CEP128: variants seen among roughly 807,000 people sequenced by gnomAD.
CEP128 encodes centrosomal protein 128, also known as centrosomal protein 128kDa.
CEP128 carries 132 observed loss-of-function variants against 156.7 expected under a neutral mutation model. The ratio of observed to expected loss-of-function variants is 0.84; its 90% confidence interval spans 0.73 to 0.97. The LOEUF (loss-of-function observed/expected upper bound fraction) is 0.97. CEP128 is among the 50% of genes least tolerant of loss of function. The pLI, the probability that CEP128 is intolerant of heterozygous loss-of-function variation, is 0.00. For missense variants in CEP128, 1,252 were observed against 1,281.9 expected (o/e 0.98, Z 0.36); for synonymous variants, 469 against 448.9 (o/e 1.04, Z -0.57).
At chr14:80,859,454 G>C (rs915152362) in intron 9 of CEP128, among the ~76,000 whole-genome samples, 2 of 150,344 alleles carry the variant, frequency 1.3e-5, no homozygotes, top group African/African-American at 4.9e-5. Context: ...GCTAGATGAC[G>C]AGTTAGTGGG....
chr14:80,549,377 CT>C (rs1263993446), intron 21 of CEP128, among the ~76,000 whole-genome samples: 2 of 152,180 alleles, frequency 1.3e-5, no homozygotes, highest in African/African-American at 4.8e-5. Context: ...GCCAAAACTG[CT>C]GGGATTCACC....
chr14:80,945,487 C>G (rs1886319371), upstream of CEP128: 2 of 152,202 alleles, frequency 1.3e-5, no homozygotes, highest in African/African-American at 4.8e-5. Flanking sequence ...CACATCACCC[C>G]TTAAACTGGG....
chr14:80,568,586 A>G (rs1396505269), intron 20 of CEP128, among the ~76,000 whole-genome samples: 4 of 152,192 alleles, frequency 2.6e-5, no homozygotes, highest in African/African-American at 4.8e-5. Context: ...GATGATCAAC[A>G]TCGAAGCAGA....
At chr14:80,930,261 G>A (rs1885385950) in intron 2 of CEP128, among the ~76,000 whole-genome samples, 1 of 152,206 alleles carries the variant, frequency 6.6e-6, no homozygotes, top group Non-Finnish European at 1.5e-5. Flanking sequence ...AACCCTATCA[G>A]TGAGTGGCAA....
At chr14:80,779,632 T>TGTCTC (rs1194784702) in intron 15 of CEP128, among the ~76,000 whole-genome samples, 1 of 152,156 alleles carries the variant, frequency 6.6e-6, no homozygotes, top group Non-Finnish European at 1.5e-5. Flanking sequence ...TCCCCAATGA[T>TGTCTC]GTCTCATTTG....
intron 9 of CEP128, among the ~76,000 whole-genome samples, chr14:80,845,326 T>A (rs1296705106): frequency 6.6e-6 from 1 of 152,220 alleles, no homozygotes; most frequent in Non-Finnish European, 1.5e-5. Flanking sequence ...TATATTTTTA[T>A]GCAATCTTTT....
intron 16 of CEP128, among the ~76,000 whole-genome samples, chr14:80,771,252 T>C (rs1482860823): frequency 6.6e-6 from 1 of 152,172 alleles, no homozygotes; most frequent in Non-Finnish European, 1.5e-5. Flanking sequence ...TTAAATTCAA[T>C]GCTAAGAGTT....
intron 19 of CEP128, among the ~76,000 whole-genome samples, chr14:80,584,140 CA>C (rs1293396804): frequency 1.5e-5 from 2 of 134,774 alleles, no homozygotes; most frequent in African/African-American, 2.9e-5. Flanking sequence ...GCGTCCGTGA[CA>C]TTTTTTTTTT....
chr14:80,768,406 C>T (rs1368066065), intron 16 of CEP128, among the ~76,000 whole-genome samples: 1 of 152,130 alleles, frequency 6.6e-6, no homozygotes, highest in Non-Finnish European at 1.5e-5. Context: ...TGAGCTGATT[C>T]TTTACATGTA....
intron 19 of CEP128, among the ~76,000 whole-genome samples, chr14:80,656,279 T>TTATATATATATTTATATATATA: frequency 2.1e-5 from 1 of 47,126 alleles, no homozygotes; most frequent in Non-Finnish European, 4.0e-5. Flanking sequence ...AAGTTTTTAT[T>TTATATATATATTTATATATATA]TATATATATA....
intron 19 of CEP128, among the ~76,000 whole-genome samples, chr14:80,668,760 G>T (rs764512862): frequency 3.3e-5 from 5 of 152,132 alleles, no homozygotes; most frequent in Admixed American, 2.6e-4. Flanking sequence ...AACTCATCTT[G>T]AATTTTAGCT....
At chr14:80,534,804 G>A (rs1008335166) in intron 21 of CEP128, among the ~76,000 whole-genome samples, 6 of 116,680 alleles carry the variant, frequency 5.1e-5, no homozygotes, top group Admixed American at 3.4e-4. Flanking sequence ...CAGCCTGGGC[G>A]ACAGAGCAAG....
At chr14:80,595,151 G>C (rs369121739) in intron 19 of CEP128, among the ~76,000 whole-genome samples, 1 of 152,180 alleles carries the variant, frequency 6.6e-6, no homozygotes, top group African/African-American at 2.4e-5. Flanking sequence ...CCATAAAAAG[G>C]ATGAGTTCAT....
intron 18 of CEP128, among the ~76,000 whole-genome samples, chr14:80,753,860 G>C (rs1899509767): frequency 6.6e-6 from 1 of 152,080 alleles, no homozygotes; most frequent in African/African-American, 2.4e-5. Flanking sequence ...CATTACCCTA[G>C]AATATAACAT....
chr14:80,954,799 T>G (rs1566734485), intron 2 of CEP128, among the ~76,000 whole-genome samples: 1 of 152,262 alleles, frequency 6.6e-6, no homozygotes, highest in Non-Finnish European at 1.5e-5. Flanking sequence ...ATTATTTTTC[T>G]TCCCATCTTC....
At chr14:80,778,140 A>G in intron 15 of CEP128, 94 bp from the exon 16 acceptor site, 1 of 1,003,644 alleles carries the variant, frequency 1.0e-6, no homozygotes, top group Non-Finnish European at 1.5e-6. Context: ...AAAACACTGC[A>G]AGATTTCAGC....
chr14:80,662,824 C>A (rs1895456021), intron 19 of CEP128, among the ~76,000 whole-genome samples: 1 of 152,118 alleles, frequency 6.6e-6, no homozygotes, highest in Non-Finnish European at 1.5e-5. Context: ...ATAGAACTTT[C>A]TGCAATGATA....
Position 80,916,442 on chromosome 14 carries a change from C to G in CEP128, c.106G>C (p.Glu36Gln), listed in dbSNP as rs1170284460. 4 of 1,614,070 alleles carry G rather than the reference C, an allele frequency of 2.5e-6. No homozygotes were observed. The South Asian group carries it at 4.4e-5, about 18-fold the overall frequency. ...ATAGTGTTGACCTTCTCGGTAACTT[C>G]TACTGTAGGAAGACTTCGAGTTCCC... ...HRGTRSLPTVEVTEKVNTITS... is the reference protein window; with the variant it reads ...HRGTRSLPTVQVTEKVNTITS... Residue 36 changes from glutamate to glutamine, a missense_variant, in exon 3 of 25, where the codon GAA becomes CAA. By Grantham distance (29) the Glu-to-Gln change is conservative (BLOSUM62 2). Coordinates refer to ENST00000555265, the MANE Select transcript of CEP128 (RefSeq NM_152446.5).
chr14:80,857,278 A>G (rs1887234817), intron 9 of CEP128, among the ~76,000 whole-genome samples: 1 of 148,890 alleles, frequency 6.7e-6, no homozygotes, highest in Admixed American at 6.8e-5. Flanking sequence ...CCTCTTTCCC[A>G]ACACTACAAC....
Sources: gnomAD v4.1 joint callset for allele counts (sites outside exome capture counted in the v4.1 genomes callset) on GRCh38, gnomAD v4.1.1 for gene constraint, MANE v1.5 for transcripts, NCBI Gene and HGNC (gene_info 2026-07-23, HGNC 2026-07-21) for gene names.